ABR: variants seen among roughly 807,000 people sequenced by gnomAD.
The protein encoded by ABR is ABR activator of RhoGEF and GTPase, also known as active breakpoint cluster region-related protein.
Under a neutral mutation model 107.2 loss-of-function variants are expected in ABR, and 35 were observed. The observed-to-expected ratio is 0.33, with a 90% CI of 0.25 to 0.43. ABR has a LOEUF of 0.43. Among genes scored for constraint, ABR ranks in the 20% least tolerant of loss-of-function variants. The pLI is 1.00. For missense variants in ABR, 815 were observed against 1,115.2 expected (o/e 0.73, Z 3.83); for synonymous variants, 498 against 462.0 (o/e 1.08, Z -1.00).
rs1294912128 is a variant in ABR, at chr17:1,071,349, G to A, written c.895-1259C>T. On this transcript the variant is annotated intron_variant, in intron 8 of 22. Transcript: ENST00000302538. The surrounding 1 kb of genome is among the most constrained non-coding windows in gnomAD (Gnocchi z 5.1). ...GTCCCTCACCACTTTCTCCCCAGGA[G>A]ACCCTGGGGGCTCGTAAACAGACCA... is the stretch of plus-strand genomic sequence containing the variant. 2.6e-5 allele frequency among the ~76,000 whole-genome samples: 4 copies of A among 152,116 alleles called. No individual in the cohort carries two copies. Among genetic ancestry groups the A allele is most frequent in the African/African-American group, 7.2e-5 (3 of 41,418 alleles).
At chr17:1,007,825 T>C (rs1351543683) in intron 21 of ABR, among the ~76,000 whole-genome samples, 1 of 152,238 alleles carries the variant, frequency 6.6e-6, no homozygotes, top group Non-Finnish European at 1.5e-5. Context: ...TGCTTTCTCA[T>C]GTGCTAAGTG....
chr17:1,018,250 G>T (rs961462275), intron 16 of ABR, among the ~76,000 whole-genome samples: 4 of 151,246 alleles, frequency 2.6e-5, no homozygotes, highest in Non-Finnish European at 5.9e-5. Flanking sequence ...CACCGTGTTA[G>T]CCAGGATGGT....
chr17:1,057,146 A>G, intron 12 of ABR, 44 bp from the exon 13 acceptor site: 1 of 1,354,848 alleles, frequency 7.4e-7, no homozygotes, highest in South Asian at 1.2e-5. Flanking sequence ...GCACTGGTCC[A>G]CCAGGACCGG....
chr17:1,035,850 T>A (rs2073147491), intron 16 of ABR, among the ~76,000 whole-genome samples: 1 of 150,610 alleles, frequency 6.6e-6, no homozygotes, highest in South Asian at 2.1e-4. Context: ...GGACCCCGCA[T>A]TACACCTAGG....
At chr17:1,046,950 C>T (rs558147580) in intron 16 of ABR, among the ~76,000 whole-genome samples, 60 of 152,314 alleles carry the variant, frequency 3.9e-4, no homozygotes, top group Admixed American at 1.2e-3. Context: ...CGCATGCTGC[C>T]GTCTGTCTGT....
intron 16 of ABR, among the ~76,000 whole-genome samples, chr17:1,026,193 G>A (rs2072179414): frequency 6.6e-6 from 1 of 152,254 alleles, no homozygotes; most frequent in Non-Finnish European, 1.5e-5. Flanking sequence ...AACCAGAGAG[G>A]CAAAGGGATG....
At chr17:1,165,753 G>C (rs1449744640) in intron 1 of ABR, among the ~76,000 whole-genome samples, 3 of 152,044 alleles carry the variant, frequency 2.0e-5, no homozygotes, top group African/African-American at 4.8e-5. Context: ...AGCTGGTCTC[G>C]AACTCATGAC....
intron 17 of ABR, 125 bp downstream of exon 17, chr17:1,012,979 TG>T: frequency 8.1e-7 from 1 of 1,228,356 alleles, no homozygotes; most frequent in Non-Finnish European, 1.2e-6. Context: ...GAGAGGGGGC[TG>T]GGCTGCGGGG....
chr17:1,174,838 A>AAC (rs2041863867), intron 1 of ABR, among the ~76,000 whole-genome samples: 1 of 152,056 alleles, frequency 6.6e-6, no homozygotes, highest in Non-Finnish European at 1.5e-5. Context: ...GTAAGTCCTA[A>AAC]ACACACATAT....
intron 2 of ABR, among the ~76,000 whole-genome samples, chr17:1,111,078 G>T (rs1451015339): frequency 3.9e-5 from 6 of 152,286 alleles, no homozygotes; most frequent in African/African-American, 1.4e-4. Context: ...TGCATGGCAT[G>T]GGCTGCCCAC....
intron 2 of ABR, among the ~76,000 whole-genome samples, chr17:1,114,469 CA>C (rs36105392): frequency 0.012 from 1,115 of 93,780 alleles, 9 homozygotes; most frequent in African/African-American, 0.025. Context: ...GACTCTGTCT[CA>C]AAAAAAAAAA....
At chr17:1,044,683 C>G (rs2031287587) in intron 16 of ABR, among the ~76,000 whole-genome samples, 1 of 152,076 alleles carries the variant, frequency 6.6e-6, no homozygotes, top group African/African-American at 2.4e-5. Context: ...CCGGCCAAAC[C>G]CCCAGGAATC....
At chr17:1,217,138 G>A (rs1350642324) in intron 1 of ABR, among the ~76,000 whole-genome samples, 4 of 152,116 alleles carry the variant, frequency 2.6e-5, no homozygotes, top group African/African-American at 7.2e-5. Context: ...ACGGAAAGGC[G>A]CAATTATGCA....
intron 10 of ABR, among the ~76,000 whole-genome samples, chr17:1,059,207 G>A (rs928155253): frequency 6.6e-6 from 1 of 152,122 alleles, no homozygotes; most frequent in African/African-American, 2.4e-5. Flanking sequence ...CCAGGGACCA[G>A]GTCACCAGAG....
chr17:1,207,155 G>A (rs1011352401), intron 1 of ABR, among the ~76,000 whole-genome samples: 3 of 151,924 alleles, frequency 2.0e-5, no homozygotes, highest in Admixed American at 2.0e-4. Flanking sequence ...CACAGGCTAA[G>A]GTGGAAGGAT....
intron 1 of ABR, among the ~76,000 whole-genome samples, chr17:1,161,433 A>G (rs2041289654): frequency 2.6e-5 from 4 of 151,718 alleles, no homozygotes; most frequent in Non-Finnish European, 5.9e-5. Context: ...TTTTGTAGAG[A>G]CAGGGTCTTG....
rs1220642515 is a variant in ABR at position 1,148,954 on chromosome 17, T to G, written c.62-23587A>C. Among the ~76,000 whole-genome samples, 2 of 151,842 alleles carry G rather than the reference T, an allele frequency of 1.3e-5. No homozygotes were observed. The highest frequency in any genetic ancestry group is 4.8e-5 in the African/African-American group (2 of 41,252). On this transcript the variant is annotated intron_variant, in intron 1 of 22. Coordinates refer to ENST00000302538, the MANE Select transcript of ABR (RefSeq NM_021962.5). This position sits in a 1 kb window ranked among gnomAD's most constrained non-coding sequence, Gnocchi z 4.9. ...TCTCACTCTGTCACCCAGGCTGGAG[T>G]GCAGTGGCGCCATCTCGGCTCACTG...
intron 9 of ABR, among the ~76,000 whole-genome samples, chr17:1,067,611 T>C (rs1702064352): frequency 6.6e-6 from 1 of 152,194 alleles, no homozygotes; most frequent in Admixed American, 6.5e-5. Flanking sequence ...AGACTATCCG[T>C]GTTCAATATC....
At chr17:1,110,945 G>A (rs907404409) in intron 2 of ABR, among the ~76,000 whole-genome samples, 18 of 152,156 alleles carry the variant, frequency 1.2e-4, no homozygotes, top group South Asian at 8.3e-4. Context: ...CATTTGGTGC[G>A]GGCGGGTGAG....
Sources: allele counts gnomAD v4.1 joint callset (sites outside exome capture counted in the v4.1 genomes callset), GRCh38; gene constraint gnomAD v4.1.1; non-coding constraint Gnocchi (gnomAD v3.1); transcripts MANE v1.5; gene names NCBI Gene and HGNC (gene_info 2026-07-23, HGNC 2026-07-21).